The following PIGK variants were observed in gnomAD, a reference collection of about 807,000 sequenced individuals.
The protein encoded by PIGK is GPI-anchor transamidase.
In PIGK, 42 loss-of-function variants were observed where a neutral mutation model predicts 50.6. The observed-to-expected ratio is 0.83, with a 90% CI of 0.65 to 1.07. The LOEUF (loss-of-function observed/expected upper bound fraction) is 1.07, where lower values mean the gene tolerates loss of function less well. PIGK is among the 50% of genes least tolerant of loss of function. The pLI, the probability that PIGK is intolerant of heterozygous loss-of-function variation, is 0.00. For missense variants in PIGK, 448 were observed against 488.7 expected (o/e 0.92, Z 0.78); for synonymous variants, 151 against 156.0 (o/e 0.97, Z 0.24).
In PIGK at chr1:77,205,440, G is replaced by A. The variant is rs1256167166; in HGVS notation, c.239+1200C>T. Among the ~76,000 whole-genome samples, 4 of 151,320 alleles carry A rather than the reference G, an allele frequency of 2.6e-5. No homozygotes were observed. In the East Asian group the frequency reaches 7.7e-4, roughly 29 times the overall value. ...AAATTATAGTTTTGTCAGTTACTCAGACTGAAATGATCTATTCACAAAGAC... is the reference window on the plus strand; with the variant it reads ...AAATTATAGTTTTGTCAGTTACTCAAACTGAAATGATCTATTCACAAAGAC... On this transcript the variant is annotated intron_variant, in intron 3 of 10. Coordinates refer to ENST00000370812, the MANE Select transcript of PIGK (RefSeq NM_005482.3).
At position 77,095,432 on chromosome 1, in the gene PIGK, C is replaced by A. The variant is rs571757471; in HGVS notation, c.1072-2942G>T. Among the ~76,000 whole-genome samples the A allele has an allele frequency of 2.0e-4, 30 of 152,294 alleles. No homozygotes were observed. In the South Asian group the frequency reaches 4.8e-3, roughly 24 times the overall value. On this transcript the variant is annotated intron_variant, in intron 10 of 10. Coordinates refer to ENST00000370812, the MANE Select transcript of PIGK (RefSeq NM_005482.3). ...ACTTTAGCTCACTCCCTTTTTCCAC[C>A]TGCTGTTTAACAGACACAGTGCTTA...
intron 9 of PIGK, chr1:77,153,594 C>T (rs540365682): frequency 6.6e-6 from 1 of 151,936 alleles, no homozygotes; most frequent in Non-Finnish European, 1.5e-5. Flanking sequence ...CAAAATATCA[C>T]ATGTACCCCA....
Position 77,122,362 on chromosome 1 carries a change from G to A in PIGK, c.987-3C>T, listed in dbSNP as rs1354595829. On this transcript the variant is annotated splice_region_variant and splice_polypyrimidine_tract_variant and intron_variant, in intron 9 of 10. Coordinates refer to ENST00000370812, the MANE Select transcript of PIGK (RefSeq NM_005482.3). ...CATCCATCTGGTCTTCCTTATAGCT[G>A]GAAAAGATAATTTAAAAACACAGAG... The A allele has an allele frequency of 3.2e-6, 5 of 1,555,668 alleles. No homozygotes were observed. Among genetic ancestry groups the A allele is most frequent in the East Asian group, 4.5e-5 (2 of 44,184 alleles).
chr1:77,199,468 T>C (rs1415338344), intron 3 of PIGK, among the ~76,000 whole-genome samples: 3 of 152,134 alleles, frequency 2.0e-5, no homozygotes, highest in East Asian at 3.9e-4. Context: ...ATAACTATGA[T>C]TGTACATTGC....
At chr1:77,214,633 A>C (rs1656509695) in intron 1 of PIGK, among the ~76,000 whole-genome samples, 1 of 152,112 alleles carries the variant, frequency 6.6e-6, no homozygotes. Context: ...TCAACATACC[A>C]CTGGAAGTTC....
In PIGK at chr1:77,090,484, A is replaced by G. The variant is rs1340979534; in HGVS notation, c.*1890T>C. On this transcript the variant is annotated 3_prime_UTR_variant, in exon 11 of 11. Transcript: ENST00000370812. ...AAAATTTATCCTGAATATTTTATCC[A>G]GTATTACTTTTCCCAGTTTGGTTTT... 1 of 152,238 alleles carries G rather than the reference A, an allele frequency of 6.6e-6. No individual in the cohort carries two copies. Among genetic ancestry groups the G allele is most frequent in the African/African-American group, 2.4e-5 (1 of 41,468 alleles). The allele number at this position is 152,238 out of a possible 1,614,324, so 9.4% of individuals were successfully genotyped here. A position where few individuals can be genotyped will look rare whatever the true frequency, so the allele number is the denominator to read the frequency against.
At chr1:77,178,669 G>A (rs12733382) in intron 3 of PIGK, among the ~76,000 whole-genome samples, 1 of 152,064 alleles carries the variant, frequency 6.6e-6, no homozygotes, top group African/African-American at 2.4e-5. Flanking sequence ...CCTGGGTAAG[G>A]AGCATATTCC....
intron 10 of PIGK, among the ~76,000 whole-genome samples, chr1:77,101,318 C>A (rs1430799897): frequency 2.0e-5 from 3 of 152,130 alleles, no homozygotes; most frequent in Non-Finnish European, 4.4e-5. Context: ...TTCTCTAAGA[C>A]CTACCTCAAA....
chr1:77,141,901 C>G (rs1486618017), intron 9 of PIGK, among the ~76,000 whole-genome samples: 1 of 151,932 alleles, frequency 6.6e-6, no homozygotes, highest in African/African-American at 2.4e-5. Context: ...ACAGCTGTGA[C>G]CCAAAATTGG....
At chr1:77,103,789 T>C (rs918753180) in intron 10 of PIGK, among the ~76,000 whole-genome samples, 3 of 152,128 alleles carry the variant, frequency 2.0e-5, no homozygotes, top group Admixed American at 6.6e-5. Flanking sequence ...TCCAGAGAGC[T>C]GCAGAGGAAT....
intron 8 of PIGK, among the ~76,000 whole-genome samples, chr1:77,157,997 T>C (rs1004434254): frequency 1.3e-5 from 2 of 152,078 alleles, no homozygotes; most frequent in African/African-American, 2.4e-5. Context: ...CCATTAAACC[T>C]CTTTTTTGTT....
rs147033420 is a variant in PIGK, at chr1:77,104,935, C to A, written c.1072-12445G>T. On this transcript the variant is annotated intron_variant, in intron 10 of 10. Coordinates refer to ENST00000370812, the MANE Select transcript of PIGK (RefSeq NM_005482.3). ...AGTGTGTTAGCAGCTCAGTTGGCCC[C>A]TTGCCTCAGTGCATGGAGCAACGGG... Among the ~76,000 whole-genome samples, 338 of 152,298 alleles carry A rather than the reference C, an allele frequency of 2.2e-3. 3 individuals carry two copies. Among genetic ancestry groups the A allele is most frequent in the Middle Eastern group, 0.017 (5 of 294 alleles).
At chr1:77,144,055 T>C (rs75995179) in intron 9 of PIGK, among the ~76,000 whole-genome samples, 6,705 of 152,126 alleles carry the variant, frequency 0.044, 252 homozygotes, top group Admixed American at 0.12. Context: ...AGAGGTCCAG[T>C]AGTTTTCCCA....
At chr1:77,150,829 GA>G (rs964125778) in intron 9 of PIGK, among the ~76,000 whole-genome samples, 1 of 151,996 alleles carries the variant, frequency 6.6e-6, no homozygotes, top group Admixed American at 6.6e-5. Flanking sequence ...GACCAATAAT[GA>G]GTAACAAGAT....
At chr1:77,171,474 T>G (rs1655362336) in intron 3 of PIGK, among the ~76,000 whole-genome samples, 1 of 113,818 alleles carries the variant, frequency 8.8e-6, no homozygotes. Flanking sequence ...GAATATTTCT[T>G]TAGGCTATGT....
chr1:77,159,692 A>T (rs116650255), intron 8 of PIGK, among the ~76,000 whole-genome samples: 4 of 152,192 alleles, frequency 2.6e-5, no homozygotes, highest in Non-Finnish European at 5.9e-5. Flanking sequence ...TGACTGCCCT[A>T]TTGGATTTCT....
At chr1:77,124,319 C>T (rs1483036596) in intron 9 of PIGK, among the ~76,000 whole-genome samples, 1 of 152,010 alleles carries the variant, frequency 6.6e-6, no homozygotes, top group Non-Finnish European at 1.5e-5. Flanking sequence ...GTATAAAAAA[C>T]ACATACAGGC....
intron 5 of PIGK, among the ~76,000 whole-genome samples, chr1:77,166,114 T>G (rs1655227421): frequency 6.6e-6 from 1 of 152,152 alleles, no homozygotes; most frequent in Non-Finnish European, 1.5e-5. Flanking sequence ...CTAAATAATA[T>G]AGCTAAATCA....
intron 9 of PIGK, among the ~76,000 whole-genome samples, chr1:77,133,589 A>C (rs1654430473): frequency 6.6e-6 from 1 of 152,148 alleles, no homozygotes; most frequent in Non-Finnish European, 1.5e-5. Context: ...GGTTATATAC[A>C]GTGTTATTTT....
Sources: gnomAD v4.1 joint callset for allele counts (sites outside exome capture counted in the v4.1 genomes callset) on GRCh38, gnomAD v4.1.1 for gene constraint, MANE v1.5 for transcripts, NCBI Gene and HGNC (gene_info 2026-07-23, HGNC 2026-07-21) for gene names.